MYLK: variants seen among roughly 807,000 people sequenced by gnomAD.
The protein encoded by MYLK is myosin light chain kinase, smooth muscle.
In MYLK, 106 loss-of-function variants were observed where a neutral mutation model predicts 203.4. That is an observed-to-expected ratio of 0.52 (90% CI 0.45 to 0.61). The LOEUF (loss-of-function observed/expected upper bound fraction) is 0.61, where lower values mean the gene tolerates loss of function less well. Among genes scored for constraint, MYLK ranks in the 20% least tolerant of loss-of-function variants. The pLI is 0.00. For missense variants in MYLK, 2,072 were observed against 2,442.3 expected (o/e 0.85, Z 3.20); for synonymous variants, 867 against 959.5 (o/e 0.90, Z 1.78).
chr3:123,640,679 T>G lies in MYLK; in HGVS notation c.4620-175A>C, dbSNP rs1239158170. On this transcript the variant is annotated intron_variant, in intron 27 of 33. Transcript: ENST00000360304. The surrounding 1 kb of genome is among the most constrained non-coding windows in gnomAD (Gnocchi z 4.3). ...CCGACATGGGAGAAGGGTCAGGGCCTCCTGGTTTCCCATCAGGGAACCCTG... is the reference window on the plus strand; with the variant it reads ...CCGACATGGGAGAAGGGTCAGGGCCGCCTGGTTTCCCATCAGGGAACCCTG... 6.6e-6 allele frequency among the ~76,000 whole-genome samples: 1 copy of G among 152,154 alleles called. No individual in the cohort carries two copies. The highest frequency in any genetic ancestry group is 1.5e-5 in the Non-Finnish European group (1 of 68,016).
At chr3:123,827,891 A>C (rs1577080642) in intron 3 of MYLK, among the ~76,000 whole-genome samples, 1 of 151,210 alleles carries the variant, frequency 6.6e-6, no homozygotes, top group East Asian at 1.9e-4. Flanking sequence ...AATCCGATTT[A>C]CAATAGCTAC....
chr3:123,656,229 G>C (rs2059384898), intron 24 of MYLK, among the ~76,000 whole-genome samples: 1 of 152,176 alleles, frequency 6.6e-6, no homozygotes, highest in South Asian at 2.1e-4. Context: ...GGGCCTGGGG[G>C]AGTCTGCTTG....
intron 23 of MYLK, 59 bp downstream of exon 23, chr3:123,664,046 T>G: frequency 6.2e-7 from 1 of 1,611,252 alleles, no homozygotes; most frequent in Admixed American, 1.7e-5. Context: ...GTATCTTGCC[T>G]GGGGGCTCCC....
intron 11 of MYLK, among the ~76,000 whole-genome samples, chr3:123,726,336 T>C (rs1207360903): frequency 6.6e-6 from 1 of 152,206 alleles, no homozygotes; most frequent in Non-Finnish European, 1.5e-5. Flanking sequence ...GCTTAGAACC[T>C]GGGCCTGCCT....
At chr3:123,675,721 G>A (rs1032966037) in intron 20 of MYLK, among the ~76,000 whole-genome samples, 1 of 152,130 alleles carries the variant, frequency 6.6e-6, no homozygotes, top group African/African-American at 2.4e-5. Flanking sequence ...AAAGGCTCCT[G>A]AAAAGGACTC....
intron 4 of MYLK, among the ~76,000 whole-genome samples, chr3:123,754,745 G>C (rs1046586510): frequency 6.6e-6 from 1 of 152,072 alleles, no homozygotes; most frequent in African/African-American, 2.4e-5. Context: ...TAGTACACCT[G>C]GCCTTTGCAA....
At chr3:123,726,176 G>C in intron 11 of MYLK, 98 bp from the exon 12 acceptor site, 1 of 1,525,336 alleles carries the variant, frequency 6.6e-7, no homozygotes, top group South Asian at 1.2e-5. Context: ...CACTGTCCTG[G>C]ACACCTGGGT....
intron 18 of MYLK, among the ~76,000 whole-genome samples, chr3:123,694,263 G>C (rs2060812653): frequency 6.6e-6 from 1 of 152,198 alleles, no homozygotes; most frequent in African/African-American, 2.4e-5. Flanking sequence ...CCCTTATACA[G>C]ACCCCAAACC....
At chr3:123,790,156 A>C (rs1033685580) in intron 4 of MYLK, among the ~76,000 whole-genome samples, 1 of 152,094 alleles carries the variant, frequency 6.6e-6, no homozygotes, top group Admixed American at 6.5e-5. Flanking sequence ...TCATGGTTTT[A>C]ATCTGGCTGC....
chr3:123,772,200 A>G (rs2063905896), intron 4 of MYLK, among the ~76,000 whole-genome samples: 1 of 152,186 alleles, frequency 6.6e-6, no homozygotes, highest in African/African-American at 2.4e-5. Flanking sequence ...CTTGTATTAA[A>G]AGTAACCAGT....
chr3:123,653,532 T>C (rs2059287657), intron 24 of MYLK, among the ~76,000 whole-genome samples: 1 of 152,158 alleles, frequency 6.6e-6, no homozygotes, highest in Non-Finnish European at 1.5e-5. Flanking sequence ...TTTCAAGTGA[T>C]TTCAACATTG....
rs1362737077 is a variant in MYLK, at chr3:123,612,026, C to CG, written c.*2078dup. ...ACCTGGTTCCTAACAGGCTACTTAC[C>CG]GGGGGTTGGGGACACCTGCTCTATA... On this transcript the variant is annotated 3_prime_UTR_variant, in exon 34 of 34. Transcript: ENST00000360304. 1 of 152,256 alleles carries CG rather than the reference C, an allele frequency of 6.6e-6. No homozygotes were observed. Among genetic ancestry groups the CG allele is most frequent in the African/African-American group, 2.4e-5 (1 of 41,420 alleles). 9.4% of individuals were successfully genotyped at this position (152,256 alleles called of 1,614,324 possible). A position where few individuals can be genotyped will look rare whatever the true frequency, so the allele number is the denominator to read the frequency against.
chr3:123,663,082 C>G (rs1313418646), intron 23 of MYLK, among the ~76,000 whole-genome samples: 2 of 152,236 alleles, frequency 1.3e-5, no homozygotes, highest in African/African-American at 2.4e-5. Context: ...TCTACTCTCT[C>G]TCTCTGTCTG....
chr3:123,787,338 T>C (rs1031612924), intron 4 of MYLK, among the ~76,000 whole-genome samples: 1 of 151,908 alleles, frequency 6.6e-6, no homozygotes, highest in Non-Finnish European at 1.5e-5. Context: ...GTGTGGCTGG[T>C]GCGGAATGAG....
rs531570326 is a variant in MYLK, at chr3:123,720,030, C to A, written c.1804+2098G>T. Among the ~76,000 whole-genome samples the A allele has an allele frequency of 2.0e-5, 3 of 152,100 alleles. No individual in the cohort carries two copies. In the South Asian group the frequency reaches 6.2e-4, roughly 32 times the overall value. Reference sequence around the variant, plus strand: ...GAGCCCAAATGCTGCCGGGCCTGAGCGTGCGGCTGCGTCTTCAGCCTTGTT... The same window carrying A: ...GAGCCCAAATGCTGCCGGGCCTGAGAGTGCGGCTGCGTCTTCAGCCTTGTT... On this transcript the variant is annotated intron_variant, in intron 13 of 33. Transcript: ENST00000360304.
intron 2 of MYLK, among the ~76,000 whole-genome samples, chr3:123,866,949 G>A (rs961423838): frequency 2.6e-4 from 39 of 152,200 alleles, no homozygotes; most frequent in African/African-American, 8.2e-4. Context: ...GCCCAGTCCC[G>A]TTATTTCTAT....
At chr3:123,696,026 C>T (rs971103982) in intron 18 of MYLK, among the ~76,000 whole-genome samples, 3 of 152,166 alleles carry the variant, frequency 2.0e-5, no homozygotes, top group Non-Finnish European at 4.4e-5. Flanking sequence ...GGAAGGACAC[C>T]TCCACGTGTC....
intron 20 of MYLK, among the ~76,000 whole-genome samples, chr3:123,680,847 A>G (rs73200074): frequency 0.11 from 17,184 of 152,212 alleles, 1,091 homozygotes; most frequent in Middle Eastern, 0.17. Context: ...TTTGTTTTAA[A>G]ACACAGCATG....
At position 123,649,197 on chromosome 3, in the gene MYLK, G is replaced by T. The variant is rs775802631; in HGVS notation, c.4289-3C>A. 1.1e-5 allele frequency: 18 copies of T among 1,592,100 alleles called. No homozygotes were observed. The highest frequency in any genetic ancestry group is 2.3e-5 in the East Asian group (1 of 44,128). The stretch of plus-strand genomic sequence containing the variant: ...CACCTCCACTTCATCCTTCGGCTCT[G>T]GGGGGGGCACAAGGAAGGACAGAGA... On this transcript the variant is annotated splice_polypyrimidine_tract_variant and splice_region_variant and intron_variant, in intron 24 of 33. Transcript: ENST00000360304.
Sources: gnomAD v4.1 joint callset for allele counts (sites outside exome capture counted in the v4.1 genomes callset) on GRCh38, gnomAD v4.1.1 for gene constraint, Gnocchi (gnomAD v3.1) non-coding constraint, MANE v1.5 for transcripts, NCBI Gene and HGNC (gene_info 2026-07-23, HGNC 2026-07-21) for gene names.